The following TULP4 variants were observed in gnomAD, a reference collection of about 807,000 sequenced individuals.
TULP4 encodes tubby-related protein 4.
In TULP4, 16 loss-of-function variants were observed where a neutral mutation model predicts 129.0. The observed-to-expected ratio is 0.12, with a 90% confidence interval of 0.08 to 0.19. The LOEUF (loss-of-function observed/expected upper bound fraction) is 0.19, where lower values mean the gene tolerates loss of function less well. TULP4 is among the 10% of genes least tolerant of loss of function. The probability of loss-of-function intolerance (pLI) is 1.00; values close to 1 mark genes in which losing one functional copy is unlikely to be tolerated. For synonymous variants in TULP4, 998 were observed against 854.0 expected (o/e 1.17, Z -2.94); for missense variants, 1,842 against 2,059.1 (o/e 0.89, Z 2.04).
At chr6:158,309,682 A>T, upstream of TULP4, among the ~76,000 whole-genome samples, 3 of 152,086 alleles carry the variant, frequency 2.0e-5, no homozygotes, top group Non-Finnish European at 4.4e-5. Flanking sequence ...CGCGGTTAGG[A>T]GCTGGAGACC....
rs1780448860 is a variant in TULP4, at chr6:158,501,697, C to T, written c.2034C>T (p.Val678=). ...DDLPVTGASG[V]PENSPPCTVN... ...TTCCAGTGACAGGAGCATCTGGTGT[C>T]CCTGAGAACAGCCCACCTTGTACCG... Residue 678 remains valine (V), a synonymous_variant, in exon 13 of 14, where the codon GTC becomes GTT. Coordinates refer to ENST00000367097, the MANE Select transcript of TULP4 (RefSeq NM_020245.5). The T allele has an allele frequency of 6.2e-7, 1 of 1,608,556 alleles. No individual in the cohort carries two copies.
intron 1 of TULP4, among the ~76,000 whole-genome samples, chr6:158,411,842 G>A (rs577526702): frequency 1.3e-5 from 2 of 152,328 alleles, no homozygotes; most frequent in South Asian, 4.1e-4. Flanking sequence ...GACAGAGGGT[G>A]TGAGGAGGGT....
At chr6:158,315,315 G>A (rs1779463137) in intron 1 of TULP4, among the ~76,000 whole-genome samples, 1 of 152,084 alleles carries the variant, frequency 6.6e-6, no homozygotes, top group South Asian at 2.1e-4. Flanking sequence ...AAGAGGATGA[G>A]AGTGTCTCTG....
chr6:158,359,860 G>A (rs978380504), intron 1 of TULP4, among the ~76,000 whole-genome samples: 2 of 152,114 alleles, frequency 1.3e-5, no homozygotes, highest in Non-Finnish European at 2.9e-5. Flanking sequence ...AATTTTAGAC[G>A]GCTTCTTTGA....
At chr6:158,471,759 T>C (rs1779687570) in intron 6 of TULP4, among the ~76,000 whole-genome samples, 1 of 152,196 alleles carries the variant, frequency 6.6e-6, no homozygotes, top group South Asian at 2.1e-4. Flanking sequence ...CACTGCCAGT[T>C]CATTGCCTAG....
chr6:158,345,356 T>C (rs1022026391), intron 1 of TULP4, among the ~76,000 whole-genome samples: 5 of 152,208 alleles, frequency 3.3e-5, no homozygotes, highest in Admixed American at 2.6e-4. Context: ...GGCTTTGGAC[T>C]CCTGGCCTCA....
chr6:158,443,699 A>G (rs972987659), intron 3 of TULP4, among the ~76,000 whole-genome samples: 3 of 152,086 alleles, frequency 2.0e-5, no homozygotes, highest in South Asian at 2.1e-4. Flanking sequence ...TCCAAATTAC[A>G]TGTTTAGCCT....
At chr6:158,387,634 G>T (rs928262208) in intron 1 of TULP4, among the ~76,000 whole-genome samples, 1 of 152,086 alleles carries the variant, frequency 6.6e-6, no homozygotes, top group Non-Finnish European at 1.5e-5. Context: ...TTTACTAAAG[G>T]TTCTCATGGG....
intron 1 of TULP4, among the ~76,000 whole-genome samples, chr6:158,365,413 T>C (rs1016124961): frequency 6.6e-6 from 1 of 151,832 alleles, no homozygotes; most frequent in Non-Finnish European, 1.5e-5. Context: ...TTTTTTTTTT[T>C]CTGGTTATTT....
chr6:158,410,244 T>C (rs1018751725), intron 1 of TULP4, among the ~76,000 whole-genome samples: 4 of 152,230 alleles, frequency 2.6e-5, no homozygotes, highest in Non-Finnish European at 4.4e-5. Flanking sequence ...GACCAAAAAA[T>C]CTTCAATTTC....
intron 1 of TULP4, among the ~76,000 whole-genome samples, chr6:158,373,938 T>C (rs1777127550): frequency 6.6e-6 from 1 of 152,154 alleles, no homozygotes; most frequent in African/African-American, 2.4e-5. Context: ...TGCAGTTGTC[T>C]TGAGATGAGT....
chr6:158,259,397 A>G (rs1322052879), intron 1 of TULP4, among the ~76,000 whole-genome samples: 1 of 152,112 alleles, frequency 6.6e-6, no homozygotes, highest in Non-Finnish European at 1.5e-5. Flanking sequence ...TCTTCCTCTT[A>G]TGGTTGTTTG....
intron 1 of TULP4, among the ~76,000 whole-genome samples, chr6:158,297,286 C>T (rs1367056650): frequency 6.6e-6 from 1 of 152,100 alleles, no homozygotes; most frequent in East Asian, 1.9e-4. Flanking sequence ...TCTGCCTGAC[C>T]CCGCAGGCAG....
chr6:158,463,652 A>C (rs1001863952), intron 6 of TULP4, among the ~76,000 whole-genome samples: 1 of 50,230 alleles, frequency 2.0e-5, no homozygotes, highest in Non-Finnish European at 3.4e-5. Context: ...TAATAAAAAT[A>C]TATATATATA....
At position 158,411,763 on chromosome 6, in the gene TULP4, G is replaced by C. The variant is rs77652937; in HGVS notation, c.253-1302G>C. ...CAAGTTTAAAGACCTAAAATCAGGT[G>C]TGTCCATGGCATCGCTTTGAGAAGT... On this transcript the variant is annotated intron_variant, in intron 1 of 13. Coordinates refer to ENST00000367097, the MANE Select transcript of TULP4 (RefSeq NM_020245.5). Among the ~76,000 whole-genome samples, 927 of 152,302 alleles carry C rather than the reference G, an allele frequency of 6.1e-3. 8 individuals carry two copies. The highest frequency in any genetic ancestry group is 0.021 in the African/African-American group (874 of 41,558).
At chr6:158,442,531 A>G (rs2115104362) in intron 3 of TULP4, among the ~76,000 whole-genome samples, 1 of 152,126 alleles carries the variant, frequency 6.6e-6, no homozygotes, top group South Asian at 2.1e-4. Context: ...TTCTGATCAA[A>G]GTACACATGC....
chr6:158,353,050 A>G (rs142967576), intron 1 of TULP4, among the ~76,000 whole-genome samples: 136 of 152,340 alleles, frequency 8.9e-4, no homozygotes, highest in Non-Finnish European at 1.6e-3. Flanking sequence ...CAGCTGATGA[A>G]AAAAGTTTTC....
At chr6:158,412,884 T>A (rs2115008866) in intron 1 of TULP4, among the ~76,000 whole-genome samples, 181 bp from the exon 2 acceptor site, 1 of 152,308 alleles carries the variant, frequency 6.6e-6, no homozygotes, top group Middle Eastern at 3.4e-3. Context: ...TCAGTGGGGC[T>A]GGTTCCCTGT....
chr6:158,428,999 T>C (rs1210553549), intron 2 of TULP4, among the ~76,000 whole-genome samples: 1 of 152,216 alleles, frequency 6.6e-6, no homozygotes, highest in Non-Finnish European at 1.5e-5. Flanking sequence ...AAAATTTCTT[T>C]AGAGACAATA....
Sources: allele counts gnomAD v4.1 joint callset (sites outside exome capture counted in the v4.1 genomes callset), GRCh38; gene constraint gnomAD v4.1.1; transcripts MANE v1.5; gene names NCBI Gene and HGNC (gene_info 2026-07-23, HGNC 2026-07-21).